PDE1C: variants seen among roughly 807,000 people sequenced by gnomAD.
The protein encoded by PDE1C is dual specificity calcium/calmodulin-dependent 3',5'-cyclic nucleotide phosphodiesterase 1C.
In PDE1C, 62 loss-of-function variants were observed where a neutral mutation model predicts 93.1. That is an observed-to-expected ratio of 0.67 (90% CI 0.54 to 0.82). PDE1C has a LOEUF of 0.82. Among genes scored for constraint, PDE1C ranks in the 40% least tolerant of loss-of-function variants. PDE1C has a pLI of 0.00. For missense variants in PDE1C, 742 were observed against 884.6 expected, an observed-to-expected ratio of 0.84 and a Z score of 2.04; for synonymous variants, 325 against 310.1, an observed-to-expected ratio of 1.05 and a Z score of -0.50.
rs1788581546 is a variant in PDE1C at position 31,818,723 on chromosome 7, G to T, written c.1583-2569C>A. Among the ~76,000 whole-genome samples the T allele has an allele frequency of 2.0e-5, 3 of 152,174 alleles. No homozygotes were observed. In the South Asian group the frequency reaches 6.2e-4, roughly 32 times the overall value. ...TGGGAAACTGAGGCAAGGAAGAGGA[G>T]AATTCATTCATACCCAGAACCTGGT... On this transcript the variant is annotated intron_variant, in intron 14 of 17. Transcript: ENST00000396191.
upstream of PDE1C, among the ~76,000 whole-genome samples, chr7:32,303,056 C>A (rs529599509): frequency 6.6e-6 from 1 of 152,122 alleles, no homozygotes; most frequent in Non-Finnish European, 1.5e-5. Flanking sequence ...TTGATAGAAC[C>A]CAAACTGGGC....
chr7:31,641,434 C>T, the PDE1C span, among the ~76,000 whole-genome samples: 1 of 152,092 alleles, frequency 6.6e-6, no homozygotes, highest in East Asian at 1.9e-4. Context: ...CCTATTAGAG[C>T]CTATACTGTG....
chr7:32,384,225 A>C lies in PDE1C; in HGVS notation c.310+43597T>G, dbSNP rs1236806902. Among the ~76,000 whole-genome samples the C allele has an allele frequency of 2.0e-5, 3 of 152,218 alleles. No homozygotes were observed. In the East Asian group the frequency reaches 5.8e-4, roughly 29 times the overall value. On this transcript the variant is annotated intron_variant, in intron 1 of 1. Coordinates refer to the PDE1C transcript ENST00000672256. ...TAAAGATTCACAGGTAAATAAATAAACATGGTTTCAGTCCACACAAAGATT... is the reference window on the plus strand; with the variant it reads ...TAAAGATTCACAGGTAAATAAATAACCATGGTTTCAGTCCACACAAAGATT...
At chr7:31,707,984 A>G in the PDE1C span, 1 of 152,236 alleles carries the variant, frequency 6.6e-6, no homozygotes, top group African/African-American at 2.4e-5. Flanking sequence ...TTTCTTAAAC[A>G]TGCTGTCCCA....
intron 2 of PDE1C, among the ~76,000 whole-genome samples, chr7:32,206,749 G>A (rs886998224): frequency 6.6e-6 from 1 of 152,244 alleles, no homozygotes; most frequent in Non-Finnish European, 1.5e-5. Flanking sequence ...GAGCATGGCA[G>A]TGCCCACACC....
intron 3 of PDE1C, among the ~76,000 whole-genome samples, chr7:32,091,571 G>A (rs1797470560): frequency 2.0e-5 from 3 of 152,168 alleles, no homozygotes; most frequent in Admixed American, 2.0e-4. Flanking sequence ...TTAGAGGCTG[G>A]CATAGGAACC....
chr7:32,012,824 T>C (rs1787334440), intron 2 of PDE1C, among the ~76,000 whole-genome samples: 1 of 152,258 alleles, frequency 6.6e-6, no homozygotes, highest in Non-Finnish European at 1.5e-5. Flanking sequence ...TTTCAAGTCC[T>C]GGCTCTACCT....
chr7:31,944,997 A>T (rs1806411482), intron 2 of PDE1C, among the ~76,000 whole-genome samples: 3 of 152,114 alleles, frequency 2.0e-5, no homozygotes. Context: ...GGTTTTAACT[A>T]GGGATTTTAT....
At chr7:31,855,887 C>A (rs1036036139) in intron 7 of PDE1C, among the ~76,000 whole-genome samples, 1 of 149,950 alleles carries the variant, frequency 6.7e-6, no homozygotes, top group East Asian at 2.0e-4. Context: ...AGTTTGAAAT[C>A]TTTTCACCTA....
chr7:31,726,974 T>C, the PDE1C span, among the ~76,000 whole-genome samples: 4 of 152,098 alleles, frequency 2.6e-5, no homozygotes, highest in South Asian at 8.3e-4. Context: ...AGGTGGAGGT[T>C]GCAGTGAGCC....
At chr7:31,687,145 A>C in the PDE1C span, 1 of 152,332 alleles carries the variant, frequency 6.6e-6, no homozygotes, top group African/African-American at 2.4e-5. Flanking sequence ...GGTGCCTGTG[A>C]AACAGAGCAT....
intron 2 of PDE1C, among the ~76,000 whole-genome samples, chr7:31,963,776 T>A (rs1809423181): frequency 6.6e-6 from 1 of 152,178 alleles, no homozygotes; most frequent in Non-Finnish European, 1.5e-5. Context: ...ACTTATTAAC[T>A]CAGTCTGGCA....
the PDE1C span, among the ~76,000 whole-genome samples, chr7:31,667,841 A>T: frequency 1.8e-4 from 27 of 152,030 alleles, no homozygotes; most frequent in African/African-American, 6.0e-4. Context: ...AATCTGGGAA[A>T]AAAAAATTCA....
chr7:31,949,322 T>C (rs1306485277), intron 2 of PDE1C, among the ~76,000 whole-genome samples: 3 of 152,060 alleles, frequency 2.0e-5, no homozygotes, highest in Non-Finnish European at 4.4e-5. Flanking sequence ...TAGCCAGACA[T>C]GGTGGCACAC....
At position 32,108,230 on chromosome 7, in the gene PDE1C, C is replaced by CAAAA. The variant is rs71559210; in HGVS notation, c.308+61551_308+61554dup. Among the ~76,000 whole-genome samples the CAAAA allele has an allele frequency of 1.5e-3, 115 of 77,046 alleles. 3 individuals are homozygous for CAAAA. The highest frequency in any genetic ancestry group is 1.8e-3 in the Non-Finnish European group (72 of 40,590). 50.5% of individuals were successfully genotyped at this position (77,046 alleles called of 152,430 possible). Reference sequence around the variant, plus strand: ...TGTCAGCATGGATAAAAAAGCAAGACAAAAAAAAAAAAAAAAAGCAAGACC... The same window carrying CAAAA: ...TGTCAGCATGGATAAAAAAGCAAGACAAAAAAAAAAAAAAAAAAAAAGCAAGACC... On this transcript the variant is annotated intron_variant, in intron 3 of 18. Coordinates refer to the PDE1C transcript ENST00000396193.
intron 1 of PDE1C, among the ~76,000 whole-genome samples, chr7:32,324,932 G>A (rs774876409): frequency 2.0e-5 from 3 of 152,148 alleles, no homozygotes; most frequent in Non-Finnish European, 4.4e-5. Flanking sequence ...CTGGGTGACA[G>A]AGGAAGGCCC....
At chr7:31,725,913 T>A in the PDE1C span, among the ~76,000 whole-genome samples, 2 of 152,216 alleles carry the variant, frequency 1.3e-5, no homozygotes, top group Non-Finnish European at 2.9e-5. Flanking sequence ...AAGCAAAGTC[T>A]GTTTTAAAAA....
intron 1 of PDE1C, among the ~76,000 whole-genome samples, chr7:32,276,052 T>C (rs1436740450): frequency 6.6e-6 from 1 of 152,228 alleles, no homozygotes; most frequent in East Asian, 1.9e-4. Context: ...TCATTTACTT[T>C]GGGTATAAAT....
the PDE1C span, chr7:31,651,128 C>G: frequency 6.2e-7 from 1 of 1,609,050 alleles, no homozygotes; most frequent in Non-Finnish European, 8.5e-7. Flanking sequence ...TCAGTTCTTT[C>G]TCATTGTTCT....
Sources: gnomAD v4.1 joint callset for allele counts (sites outside exome capture counted in the v4.1 genomes callset) on GRCh38, gnomAD v4.1.1 for gene constraint, MANE v1.5 for transcripts, NCBI Gene and HGNC (gene_info 2026-07-23, HGNC 2026-07-21) for gene names.